RMDN2: variants seen among roughly 807,000 people sequenced by gnomAD.
RMDN2 encodes regulator of microtubule dynamics protein 2.
In RMDN2, 61 loss-of-function variants were observed where a neutral mutation model predicts 52.8. That is an observed-to-expected ratio of 1.16 (90% CI 0.94 to 1.43). The LOEUF (loss-of-function observed/expected upper bound fraction) is 1.43, where lower values mean the gene tolerates loss of function less well. Ranked by LOEUF, RMDN2 falls within the 40% of genes most tolerant of loss-of-function variation. RMDN2 has a pLI of 0.00. For missense variants in RMDN2, 592 were observed against 475.3 expected, an observed-to-expected ratio of 1.25 and a Z score of -2.28; for synonymous variants, 180 against 153.1, an observed-to-expected ratio of 1.18 and a Z score of -1.30.
chr2:38,030,441 T>C (rs1430401956), intron 10 of RMDN2: 2 of 152,174 alleles, frequency 1.3e-5, no homozygotes, highest in African/African-American at 4.8e-5. Flanking sequence ...TTAAAAAATA[T>C]TTAGTGCAGT....
chr2:37,970,315 T>A (rs1359825356), intron 2 of RMDN2, among the ~76,000 whole-genome samples: 43 of 152,304 alleles, frequency 2.8e-4, no homozygotes, highest in Non-Finnish European at 1.0e-4. Context: ...ACTGAATTGA[T>A]CAGATAGGTC....
chr2:38,013,769 G>A (rs1223348047), intron 10 of RMDN2, among the ~76,000 whole-genome samples: 2 of 152,122 alleles, frequency 1.3e-5, no homozygotes, highest in Non-Finnish European at 2.9e-5. Flanking sequence ...GTAATAAATG[G>A]GTCTCTTGTC....
intron 10 of RMDN2, among the ~76,000 whole-genome samples, chr2:38,044,735 C>T (rs938417428): frequency 1.3e-5 from 2 of 151,986 alleles, no homozygotes; most frequent in African/African-American, 4.8e-5. Context: ...TCTGGCACTT[C>T]CTTTTGATTC....
chr2:38,038,774 C>A (rs1332908875), intron 10 of RMDN2, among the ~76,000 whole-genome samples: 1 of 152,086 alleles, frequency 6.6e-6, no homozygotes, highest in Non-Finnish European at 1.5e-5. Flanking sequence ...GACAAGTATT[C>A]CGGCATTAGT....
intron 3 of RMDN2, among the ~76,000 whole-genome samples, chr2:37,974,475 TTTTA>T (rs1221414244): frequency 1.3e-5 from 2 of 151,426 alleles, no homozygotes; most frequent in African/African-American, 4.8e-5. Context: ...GCAGATTTAC[TTTTA>T]TTTGATTTTT....
At chr2:37,990,138 G>GTT (rs1674574290) in intron 6 of RMDN2, among the ~76,000 whole-genome samples, 1 of 76,946 alleles carries the variant, frequency 1.3e-5, no homozygotes, top group African/African-American at 8.2e-5. Flanking sequence ...GTGAGACTCC[G>GTT]TCTGAAAAAA....
At chr2:38,060,156 A>G (rs981925572) in intron 10 of RMDN2, among the ~76,000 whole-genome samples, 2 of 151,340 alleles carry the variant, frequency 1.3e-5, no homozygotes, top group African/African-American at 2.4e-5. Flanking sequence ...TGTGTTACGC[A>G]GGATGGTCTC....
chr2:38,036,703 C>G (rs1402686927), intron 10 of RMDN2: 1 of 152,206 alleles, frequency 6.6e-6, no homozygotes, highest in African/African-American at 2.4e-5. Context: ...CATCAAAGCT[C>G]TTTTCTTCTG....
At chr2:38,032,994 C>T (rs1680319693) in intron 10 of RMDN2, 1 of 152,186 alleles carries the variant, frequency 6.6e-6, no homozygotes, top group Non-Finnish European at 1.5e-5. Context: ...TGCCAAACTG[C>T]TGTACCATTT....
intron 10 of RMDN2, among the ~76,000 whole-genome samples, chr2:38,054,739 G>A (rs1681784951): frequency 1.3e-5 from 2 of 152,050 alleles, no homozygotes; most frequent in Admixed American, 1.3e-4. Context: ...TCTTTCTTAA[G>A]GAACATTTCT....
intron 5 of RMDN2, among the ~76,000 whole-genome samples, chr2:37,987,008 G>C (rs2125119932): frequency 6.6e-6 from 1 of 151,926 alleles, no homozygotes; most frequent in South Asian, 2.1e-4. Context: ...AAAATAAAAG[G>C]TATGCAGATT....
chr2:38,013,933 G>A (rs144482822), intron 10 of RMDN2, among the ~76,000 whole-genome samples: 20 of 152,332 alleles, frequency 1.3e-4, no homozygotes, highest in African/African-American at 3.4e-4. Context: ...GCAGCCGGGC[G>A]TCGTGGCTCA....
At chr2:37,927,828 T>C (rs949968308) in intron 1 of RMDN2, among the ~76,000 whole-genome samples, 2 of 152,234 alleles carry the variant, frequency 1.3e-5, no homozygotes, top group Non-Finnish European at 2.9e-5. Flanking sequence ...TAGAATACAT[T>C]TACACATCTA....
At chr2:38,053,885 C>G (rs1681738724) in intron 10 of RMDN2, among the ~76,000 whole-genome samples, 1 of 152,166 alleles carries the variant, frequency 6.6e-6, no homozygotes, top group African/African-American at 2.4e-5. Context: ...CTCTAATGTG[C>G]AGCCAGCACT....
intron 2 of RMDN2, among the ~76,000 whole-genome samples, chr2:37,937,261 A>G (rs1450578721): frequency 1.3e-5 from 2 of 152,110 alleles, no homozygotes; most frequent in African/African-American, 2.4e-5. Flanking sequence ...CCATTGGTCT[A>G]TATATCTGTT....
chr2:37,936,242 G>T (rs547607987), intron 2 of RMDN2, among the ~76,000 whole-genome samples: 120 of 152,074 alleles, frequency 7.9e-4, no homozygotes, highest in Non-Finnish European at 1.4e-3. Context: ...TCTTTTTTAG[G>T]GATGCATGGT....
intron 2 of RMDN2, among the ~76,000 whole-genome samples, chr2:37,957,139 T>C (rs990170737): frequency 6.6e-6 from 1 of 152,138 alleles, no homozygotes; most frequent in Non-Finnish European, 1.5e-5. Flanking sequence ...ATTTTTATAG[T>C]AGAATGATTT....
intron 7 of RMDN2, among the ~76,000 whole-genome samples, chr2:37,995,322 G>GACTACT (rs3056282): frequency 0.11 from 16,250 of 147,118 alleles, 1,013 homozygotes; most frequent in African/African-American, 0.16. Context: ...AAGAGGGGAT[G>GACTACT]ACTACTACTA....
At chr2:38,047,421 A>G (rs1452992404) in intron 10 of RMDN2, among the ~76,000 whole-genome samples, 2 of 152,254 alleles carry the variant, frequency 1.3e-5, no homozygotes, top group Non-Finnish European at 2.9e-5. Context: ...ATAATGGAAT[A>G]TCATTCAACA....
Sources: allele counts gnomAD v4.1 joint callset (sites outside exome capture counted in the v4.1 genomes callset), GRCh38; gene constraint gnomAD v4.1.1; transcripts MANE v1.5; gene names NCBI Gene and HGNC (gene_info 2026-07-23, HGNC 2026-07-21).